Variants in WDSUB1 observed in about 807,000 individuals in gnomAD.
WDSUB1 encodes the protein WD repeat, sterile alpha motif and U-box domain containing 1, also known as WD repeat, SAM and U-box domain-containing protein 1.
Under a neutral mutation model 53.9 loss-of-function variants are expected in WDSUB1, and 49 were observed. The ratio of observed to expected loss-of-function variants is 0.91; its 90% confidence interval spans 0.72 to 1.15. The LOEUF (loss-of-function observed/expected upper bound fraction) is 1.15. Ranked by LOEUF, WDSUB1 falls within the 50% of genes most tolerant of loss-of-function variation. WDSUB1 has a pLI of 0.00. For synonymous variants in WDSUB1, 194 were observed against 200.6 expected (o/e 0.97, Z 0.28); for missense variants, 514 against 562.0 (o/e 0.91, Z 0.86).
intron 4 of WDSUB1, among the ~76,000 whole-genome samples, chr2:159,274,906 AAAG>A (rs1182627403): frequency 1.3e-4 from 20 of 152,338 alleles, no homozygotes; most frequent in African/African-American, 4.6e-4. Flanking sequence ...AAAAGAAAAC[AAAG>A]AAGATGGTGA....
rs1477308909 is a variant in WDSUB1, at chr2:159,259,848, A to G, written c.771-5T>C. The G allele has an allele frequency of 3.3e-6, 5 of 1,515,262 alleles. No homozygotes were observed. Among genetic ancestry groups the G allele is most frequent in the Non-Finnish European group, 4.5e-6 (5 of 1,115,098 alleles). 93.9% of individuals were successfully genotyped at this position (1,515,262 alleles called of 1,614,324 possible). On this transcript the variant is annotated splice_region_variant and splice_polypyrimidine_tract_variant and intron_variant, in intron 5 of 10. Coordinates refer to ENST00000359774, the MANE Select transcript of WDSUB1 (RefSeq NM_001128212.3). ...ATGACAGACTTATCCACTGACCTTA[A>G]AAGAAAATAAATTATAGGTGAAAAG...
Position 159,286,677 on chromosome 2 carries a change from G to T in WDSUB1, c.-119C>A, listed in dbSNP as rs908283887. ...AGGTGAGGCTGGCGGGGCGGGCGCC[G>T]GCGGAGACCCAGAGCAGAGGGAACA... is the stretch of plus-strand genomic sequence containing the variant. On this transcript the variant is annotated 5_prime_UTR_variant, in exon 1 of 11. Coordinates refer to ENST00000359774, the MANE Select transcript of WDSUB1 (RefSeq NM_001128212.3). 1.3e-5 allele frequency: 2 copies of T among 152,424 alleles called. No homozygotes were observed. Among genetic ancestry groups the T allele is most frequent in the Admixed American group, 6.5e-5 (1 of 15,296 alleles). 9.4% of individuals were successfully genotyped at this position (152,424 alleles called of 1,614,324 possible). A position where few individuals can be genotyped will look rare whatever the true frequency, so the allele number is the denominator to read the frequency against.
In WDSUB1 at chr2:159,240,011, A is replaced by C. The variant is rs557220706; in HGVS notation, c.1274-3821T>G. On this transcript the variant is annotated intron_variant, in intron 10 of 10. Coordinates refer to ENST00000359774, the MANE Select transcript of WDSUB1 (RefSeq NM_001128212.3). ...TGCACCCATTTGTGGTTCTTGGTAT[A>C]TTTCAGAGTTGTGTATCACTCCATC... Among the ~76,000 whole-genome samples, 10 of 152,262 alleles carry C rather than the reference A, an allele frequency of 6.6e-5. No homozygotes were observed. The South Asian group carries it at 2.1e-3, about 32-fold the overall frequency.
intron 3 of WDSUB1, among the ~76,000 whole-genome samples, chr2:159,276,820 T>C (rs1364826987): frequency 6.6e-6 from 1 of 152,138 alleles, no homozygotes; most frequent in Non-Finnish European, 1.5e-5. Context: ...CTAGGAAAGA[T>C]GGTAAGACCC....
chr2:159,283,222 T>C, intron 1 of WDSUB1, 129 bp from the exon 2 acceptor site: 1 of 793,668 alleles, frequency 1.3e-6, no homozygotes, highest in Non-Finnish European at 1.9e-6. Flanking sequence ...TTTAAAGCAG[T>C]GGTCCCCACC....
At chr2:159,264,503 T>C (rs1226188990) in intron 5 of WDSUB1, among the ~76,000 whole-genome samples, 2 of 152,234 alleles carry the variant, frequency 1.3e-5, no homozygotes, top group Admixed American at 6.5e-5. Flanking sequence ...AACTGTCTTG[T>C]TGGGGAGAGG....
intron 10 of WDSUB1, among the ~76,000 whole-genome samples, chr2:159,242,790 G>A (rs1448923838): frequency 3.4e-5 from 5 of 147,986 alleles, no homozygotes; most frequent in African/African-American, 5.2e-5. Flanking sequence ...TTTTAAAATC[G>A]CTTGTCTGTT....
intron 3 of WDSUB1, among the ~76,000 whole-genome samples, chr2:159,279,056 G>A (rs2061599423): frequency 6.6e-6 from 1 of 151,988 alleles, no homozygotes; most frequent in Non-Finnish European, 1.5e-5. Flanking sequence ...GATATATCAG[G>A]ATATATTATT....
At chr2:159,243,967 A>G (rs1202387044) in intron 10 of WDSUB1, among the ~76,000 whole-genome samples, 1 of 152,220 alleles carries the variant, frequency 6.6e-6, no homozygotes, top group Middle Eastern at 3.2e-3. Context: ...AGCCAGACCC[A>G]AGAGAGAGAC....
chr2:159,243,563 A>T (rs1297752240), intron 10 of WDSUB1, among the ~76,000 whole-genome samples: 1 of 134,734 alleles, frequency 7.4e-6, no homozygotes, highest in East Asian at 2.7e-4. Context: ...ATATGTCTCT[A>T]TTGTTTCTTA....
intron 9 of WDSUB1, among the ~76,000 whole-genome samples, chr2:159,249,331 A>C (rs1258935012): frequency 6.6e-6 from 1 of 152,206 alleles, no homozygotes; most frequent in Non-Finnish European, 1.5e-5. Context: ...TTTATTCTTA[A>C]CTTTAAAAGA....
chr2:159,273,896 A>G (rs1025201262), intron 4 of WDSUB1, among the ~76,000 whole-genome samples: 1 of 152,234 alleles, frequency 6.6e-6, no homozygotes, highest in African/African-American at 2.4e-5. Context: ...TAGGATAATT[A>G]TGAACAACAA....
intron 1 of WDSUB1, 43 bp downstream of exon 1, chr2:159,286,540 C>G (rs1002446104): frequency 6.6e-6 from 1 of 152,366 alleles, no homozygotes; most frequent in East Asian, 1.9e-4. Flanking sequence ...CCCCACCTGC[C>G]GCCACCGCCG....
At chr2:159,275,713 T>G in intron 3 of WDSUB1, 75 bp from the exon 4 acceptor site, 1 of 1,112,384 alleles carries the variant, frequency 9.0e-7, no homozygotes, top group South Asian at 1.5e-5. Flanking sequence ...TTTCTTATAC[T>G]AAGATCTATT....
At chr2:159,250,106 AAG>A (rs1553627360) in intron 9 of WDSUB1, among the ~76,000 whole-genome samples, 1 of 148,658 alleles carries the variant, frequency 6.7e-6, no homozygotes, top group African/African-American at 2.5e-5. Context: ...AAAAAAAAAA[AAG>A]AAGGGAAGGG....
At chr2:159,284,871 C>A (rs2061754040) in intron 1 of WDSUB1, among the ~76,000 whole-genome samples, 1 of 152,186 alleles carries the variant, frequency 6.6e-6, no homozygotes, top group African/African-American at 2.4e-5. Context: ...AGTCTTCCGT[C>A]TCCATAAAGC....
intron 10 of WDSUB1, among the ~76,000 whole-genome samples, chr2:159,244,740 C>T (rs1221026701): frequency 6.6e-6 from 1 of 152,142 alleles, no homozygotes; most frequent in Non-Finnish European, 1.5e-5. Flanking sequence ...GCCTGGGCAA[C>T]AGAGAGACCC....
At chr2:159,267,830 G>A (rs992846990) in intron 5 of WDSUB1, among the ~76,000 whole-genome samples, 5 of 152,032 alleles carry the variant, frequency 3.3e-5, no homozygotes, top group Non-Finnish European at 7.4e-5. Context: ...AAATATGCCT[G>A]TCAATTCTTC....
At chr2:159,274,274 T>C (rs1027242490) in intron 4 of WDSUB1, among the ~76,000 whole-genome samples, 5 of 152,026 alleles carry the variant, frequency 3.3e-5, no homozygotes, top group African/African-American at 1.2e-4. Flanking sequence ...GAGGCCAAGG[T>C]GGGAGGATCA....
Sources: gnomAD v4.1 joint callset for allele counts (sites outside exome capture counted in the v4.1 genomes callset) on GRCh38, gnomAD v4.1.1 for gene constraint, MANE v1.5 for transcripts, NCBI Gene and HGNC (gene_info 2026-07-23, HGNC 2026-07-21) for gene names.